Variants in OGA observed in about 807,000 individuals in gnomAD.
OGA encodes the protein O-GlcNAcase, also known as protein O-GlcNAcase.
Under a neutral mutation model 102.0 loss-of-function variants are expected in OGA, and 21 were observed. The ratio of observed to expected loss-of-function variants is 0.21; its 90% confidence interval spans 0.15 to 0.30. OGA has a LOEUF of 0.30. OGA is among the 10% of genes least tolerant of loss of function. The pLI is 1.00. For missense variants in OGA, 765 were observed against 1,107.8 expected, an observed-to-expected ratio of 0.69 and a Z score of 4.39; for synonymous variants, 408 against 378.2, an observed-to-expected ratio of 1.08 and a Z score of -0.91.
chr10:101,801,119 G>A (rs896990849), intron 7 of OGA, among the ~76,000 whole-genome samples: 1 of 151,968 alleles, frequency 6.6e-6, no homozygotes, highest in African/African-American at 2.4e-5. Flanking sequence ...GGCCAGGCAT[G>A]GTGGCTCATG....
chr10:101,815,752 T>G (rs1470996140), intron 1 of OGA, among the ~76,000 whole-genome samples: 1 of 151,950 alleles, frequency 6.6e-6, no homozygotes, highest in Non-Finnish European at 1.5e-5. Context: ...ATTTTAATCT[T>G]TAGAAACCCT....
chr10:101,817,733 C>T, intron 1 of OGA, 91 bp downstream of exon 1: 1 of 1,407,364 alleles, frequency 7.1e-7, no homozygotes, highest in Non-Finnish European at 9.5e-7. Flanking sequence ...GGCTTTCCGG[C>T]CTTTTAGAGT....
rs748291004 is a variant in OGA at position 101,799,046 on chromosome 10, C to T, written c.1605G>A (p.Lys535=). The change falls in exon 9 of 16, where the codon AAG becomes AAA. Residue 535 remains lysine (K), a synonymous_variant. Transcript: ENST00000361464. The part of the protein sequence containing the change: ...APMQTDEQTN[K]EQFVPGPNEK... The stretch of plus-strand genomic sequence containing the variant: ...CATTTGGACCTGGCACAAACTGCTC[C>T]TTGTTTGTCTGTTCATCAGTTTGCA... 5 of 1,614,162 alleles carry T rather than the reference C, an allele frequency of 3.1e-6. No homozygotes were observed. In the Admixed American group the frequency reaches 8.3e-5, roughly 27 times the overall value.
At chr10:101,802,051 C>T (rs1224116343) in intron 7 of OGA, among the ~76,000 whole-genome samples, 6 of 151,758 alleles carry the variant, frequency 4.0e-5, no homozygotes, top group Non-Finnish European at 8.8e-5. Context: ...AGGCTGAGGC[C>T]AGAGACTCGC....
chr10:101,817,284 AG>A (rs1173035589), intron 1 of OGA, among the ~76,000 whole-genome samples: 1 of 152,232 alleles, frequency 6.6e-6, no homozygotes, highest in Non-Finnish European at 1.5e-5. Context: ...TAGCTGGGAA[AG>A]AGGGCAATTT....
chr10:101,800,045 G>A (rs2065369297), intron 8 of OGA, among the ~76,000 whole-genome samples, 197 bp downstream of exon 8: 1 of 152,060 alleles, frequency 6.6e-6, no homozygotes, highest in African/African-American at 2.4e-5. Context: ...GCTAATCTTT[G>A]TATTTTTAGT....
intron 5 of OGA, among the ~76,000 whole-genome samples, chr10:101,806,797 G>C (rs1720977260): frequency 6.6e-6 from 1 of 152,120 alleles, no homozygotes; most frequent in Admixed American, 6.5e-5. Flanking sequence ...ATGGCAGCTG[G>C]GCACAGTGGC....
intron 7 of OGA, among the ~76,000 whole-genome samples, chr10:101,800,771 CTTTT>C (rs771355527): frequency 8.5e-6 from 1 of 117,642 alleles, no homozygotes; most frequent in African/African-American, 3.1e-5. Context: ...CTTGTAACTT[CTTTT>C]TTTTTTTTTT....
At chr10:101,809,346 T>C (rs1218527087) in intron 4 of OGA, among the ~76,000 whole-genome samples, 3 of 152,234 alleles carry the variant, frequency 2.0e-5, no homozygotes, top group East Asian at 1.9e-4. Flanking sequence ...GCAGTTCTTA[T>C]GCAAACTGAA....
intron 6 of OGA, 89 bp from the exon 7 acceptor site, chr10:101,804,108 G>A (rs2065434695): frequency 1.7e-6 from 2 of 1,148,390 alleles, no homozygotes; most frequent in Non-Finnish European, 2.5e-6. Context: ...ACTCTGGGAG[G>A]CAGAGGTGGG....
intron 1 of OGA, among the ~76,000 whole-genome samples, chr10:101,815,039 G>A (rs758290447): frequency 6.6e-6 from 1 of 152,068 alleles, no homozygotes; most frequent in Non-Finnish European, 1.5e-5. Flanking sequence ...CCATGAAGAA[G>A]GTTAATAAAA....
intron 4 of OGA, among the ~76,000 whole-genome samples, chr10:101,809,756 T>C (rs773759092): frequency 1.4e-5 from 2 of 142,548 alleles, no homozygotes; most frequent in Non-Finnish European, 3.1e-5. Flanking sequence ...AAAATTCTTA[T>C]AGAAACAAAG....
chr10:101,788,662 G>A (rs1420848364), intron 14 of OGA, among the ~76,000 whole-genome samples: 3 of 151,706 alleles, frequency 2.0e-5, no homozygotes, highest in African/African-American at 4.9e-5. Context: ...TTGAACCTGG[G>A]AGGCGGAGGT....
Position 101,786,200 on chromosome 10 carries a change from T to C in OGA, c.*251A>G. 3.1e-6 allele frequency: 1 copy of C among 325,208 alleles called. No homozygotes were observed. The highest frequency in any genetic ancestry group is 5.5e-6 in the Non-Finnish European group (1 of 180,600). 20.1% of individuals were successfully genotyped at this position (325,208 alleles called of 1,614,324 possible). On this transcript the variant is annotated 3_prime_UTR_variant, in exon 16 of 16. Transcript: ENST00000361464. ...CCTGTATAAGCCCATGTAAAAGGTC[T>C]CAGCACCTAACACAAGACTCAAAAA...
chr10:101,816,110 A>C (rs1393494172), intron 1 of OGA, among the ~76,000 whole-genome samples: 1 of 152,106 alleles, frequency 6.6e-6, no homozygotes, highest in African/African-American at 2.4e-5. Flanking sequence ...GTTTCTACTA[A>C]AATACAAAAA....
chr10:101,817,579 G>A (rs1057447789), intron 1 of OGA, among the ~76,000 whole-genome samples: 4 of 152,126 alleles, frequency 2.6e-5, no homozygotes, highest in African/African-American at 9.7e-5. Flanking sequence ...CTTAGGAGGT[G>A]GCCTGGCTCC....
intron 1 of OGA, among the ~76,000 whole-genome samples, chr10:101,814,881 T>C (rs1287105212): frequency 2.0e-5 from 3 of 152,184 alleles, no homozygotes; most frequent in African/African-American, 7.2e-5. Flanking sequence ...ATAACCTAAA[T>C]GGTTGAATAA....
chr10:101,811,598 G>C (rs2065559594), intron 3 of OGA, among the ~76,000 whole-genome samples: 1 of 151,804 alleles, frequency 6.6e-6, no homozygotes, highest in South Asian at 2.1e-4. Context: ...AGCTACTTGG[G>C]GGACTGAGGC....
At chr10:101,786,782 T>C (rs1176727622) in intron 15 of OGA, among the ~76,000 whole-genome samples, 195 bp from the exon 16 acceptor site, 2 of 152,220 alleles carry the variant, frequency 1.3e-5, no homozygotes, top group Admixed American at 1.3e-4. Flanking sequence ...TGCACCCAGC[T>C]TCCCCCGCAC....
Sources: gnomAD v4.1 joint callset for allele counts (sites outside exome capture counted in the v4.1 genomes callset) on GRCh38, gnomAD v4.1.1 for gene constraint, MANE v1.5 for transcripts, NCBI Gene and HGNC (gene_info 2026-07-23, HGNC 2026-07-21) for gene names.